The following ST7L variants were observed in gnomAD, a reference collection of about 807,000 sequenced individuals.
ST7L encodes suppression of tumorigenicity 7 like.
Under a neutral mutation model 72.5 loss-of-function variants are expected in ST7L, and 57 were observed. The observed-to-expected ratio is 0.79, with a 90% CI of 0.64 to 0.98. The LOEUF (loss-of-function observed/expected upper bound fraction) is 0.98, where lower values mean the gene tolerates loss of function less well. Ranked by LOEUF, ST7L falls within the 50% of genes least tolerant of loss-of-function variation. ST7L has a pLI of 0.00. For missense variants in ST7L, 576 were observed against 672.2 expected (o/e 0.86, Z 1.58); for synonymous variants, 221 against 240.9 (o/e 0.92, Z 0.77).
chr1:112,543,473 G>A (rs967130878), intron 13 of ST7L, among the ~76,000 whole-genome samples: 9 of 152,170 alleles, frequency 5.9e-5, no homozygotes, highest in African/African-American at 1.4e-4. Context: ...GCTTGAACCC[G>A]GGAGGCGGAG....
intron 11 of ST7L, among the ~76,000 whole-genome samples, chr1:112,576,576 G>T (rs1414631775): frequency 1.3e-5 from 2 of 152,106 alleles, no homozygotes; most frequent in African/African-American, 4.8e-5. Context: ...TAATCTGTTT[G>T]TCTTCAGTTT....
chr1:112,532,533 T>C (rs1258453338), intron 14 of ST7L, among the ~76,000 whole-genome samples: 2 of 152,208 alleles, frequency 1.3e-5, no homozygotes, highest in Admixed American at 6.5e-5. Flanking sequence ...GCTGCATCTT[T>C]CTCTGTCACA....
chr1:112,542,147 C>CT lies in ST7L; in HGVS notation c.1490-58dup, dbSNP rs1457370899. 2.1e-6 allele frequency: 3 copies of CT among 1,432,730 alleles called. No individual in the cohort carries two copies. In the African/African-American group the frequency reaches 4.4e-5, roughly 21 times the overall value. The allele number at this position is 1,432,730 out of a possible 1,614,324, so 88.8% of individuals were successfully genotyped here. On this transcript the variant is annotated intron_variant, in intron 13 of 14. Transcript: ENST00000358039. ...ATTTCAGAATAACATGTAAACAAGT[C>CT]TTAATCTTTTCAAATGAAATCTGTT...
chr1:112,540,613 T>C (rs781258390), intron 14 of ST7L: 14 of 985,312 alleles, frequency 1.4e-5, no homozygotes, highest in Non-Finnish European at 1.7e-5. Context: ...CATTATATGG[T>C]TGACCTTCAG....
chr1:112,564,592 G>A (rs1192971235), intron 11 of ST7L, among the ~76,000 whole-genome samples: 1 of 152,096 alleles, frequency 6.6e-6, no homozygotes, highest in African/African-American at 2.4e-5. Flanking sequence ...CAAGGCAGGT[G>A]GCTCACCTGA....
At chr1:112,619,191 G>A, upstream of ST7L, 3 of 1,432,650 alleles carry the variant, frequency 2.1e-6, no homozygotes, top group Non-Finnish European at 2.9e-6. Context: ...TGGGATAGTG[G>A]CGGACCTGAA....
intron 5 of ST7L, among the ~76,000 whole-genome samples, chr1:112,594,410 G>C (rs1666137816): frequency 6.6e-6 from 1 of 152,126 alleles, no homozygotes; most frequent in Non-Finnish European, 1.5e-5. Flanking sequence ...TGGAAAGAAA[G>C]TATTCTGGCC....
chr1:112,618,678 G>T (rs1376453920), intron 1 of ST7L: 10 of 852,766 alleles, frequency 1.2e-5, no homozygotes, highest in Non-Finnish European at 1.7e-5. Flanking sequence ...GAAAAACGAG[G>T]ACATAAGAGA....
At chr1:112,579,460 C>T (rs1277091505) in intron 9 of ST7L, among the ~76,000 whole-genome samples, 1 of 147,958 alleles carries the variant, frequency 6.8e-6, no homozygotes, top group East Asian at 2.0e-4. Context: ...ATAATTAGAA[C>T]TATGTAAAAC....
At chr1:112,605,189 A>G (rs1668032853) in intron 3 of ST7L, among the ~76,000 whole-genome samples, 1 of 151,972 alleles carries the variant, frequency 6.6e-6, no homozygotes, top group Non-Finnish European at 1.5e-5. Context: ...GAGAAGTTCA[A>G]GACCAGCCTG....
At chr1:112,574,319 C>A (rs1363812200) in intron 11 of ST7L, among the ~76,000 whole-genome samples, 1 of 147,982 alleles carries the variant, frequency 6.8e-6, no homozygotes, top group Non-Finnish European at 1.5e-5. Context: ...TGAGTTCAAG[C>A]AATTCTCCTG....
chr1:112,568,246 G>A (rs1443247324), intron 11 of ST7L, among the ~76,000 whole-genome samples: 1 of 151,272 alleles, frequency 6.6e-6, no homozygotes, highest in Non-Finnish European at 1.5e-5. Context: ...GAAAATACAT[G>A]TAATAGTGGC....
chr1:112,611,008 G>A lies in ST7L; in HGVS notation c.289-5C>T, dbSNP rs777445636. On this transcript the variant is annotated splice_region_variant and splice_polypyrimidine_tract_variant and intron_variant, in intron 2 of 14. Coordinates refer to ENST00000358039, the MANE Select transcript of ST7L (RefSeq NM_017744.5). ...GAAGTACCACCATTCAAATATCTATGACAAACAGAAAATATCCTGCACTTA... is the reference window on the plus strand; with the variant it reads ...GAAGTACCACCATTCAAATATCTATAACAAACAGAAAATATCCTGCACTTA... 6.8e-6 allele frequency: 11 copies of A among 1,612,672 alleles called. No homozygotes were observed. In the South Asian group the frequency reaches 9.9e-5, roughly 15 times the overall value.
At chr1:112,595,655 G>A (rs944162295) in intron 5 of ST7L, among the ~76,000 whole-genome samples, 1 of 151,992 alleles carries the variant, frequency 6.6e-6, no homozygotes, top group Admixed American at 6.6e-5. Context: ...CTAGACTCAT[G>A]GGATGCTCCT....
upstream of ST7L, chr1:112,619,262 G>A: frequency 2.8e-6 from 2 of 718,476 alleles, no homozygotes; most frequent in Non-Finnish European, 4.6e-6. Flanking sequence ...CGAAGGTGGA[G>A]GAGCGTGTCT....
intron 6 of ST7L, among the ~76,000 whole-genome samples, chr1:112,590,104 T>A (rs1665468647): frequency 6.6e-6 from 1 of 152,012 alleles, no homozygotes; most frequent in East Asian, 1.9e-4. Flanking sequence ...TCTGGGAGAG[T>A]TTTGAAATTG....
chr1:112,556,029 AACAC>A lies in ST7L; in HGVS notation c.1246-15_1246-12del. Reference sequence around the variant, plus strand: ...CATCTCTAATAAATACTGAAAGAGTAACACACAGACACATATACACACAACAGAA... The same window carrying A: ...CATCTCTAATAAATACTGAAAGAGTAACAGACACATATACACACAACAGAA... On this transcript the variant is annotated splice_polypyrimidine_tract_variant and intron_variant, in intron 11 of 14. Coordinates refer to ENST00000358039, the MANE Select transcript of ST7L (RefSeq NM_017744.5). The A allele has an allele frequency of 6.3e-7, 1 of 1,583,218 alleles. No individual in the cohort carries two copies. The highest frequency in any genetic ancestry group is 2.2e-5 in the East Asian group (1 of 44,468).
intron 3 of ST7L, among the ~76,000 whole-genome samples, chr1:112,610,162 G>A (rs972360144): frequency 2.0e-5 from 3 of 152,142 alleles, no homozygotes; most frequent in Non-Finnish European, 4.4e-5. Context: ...ACATTTCTGA[G>A]AATAGTCCTT....
chr1:112,602,083 C>CAAAAAAAAAAAA (rs71584754), intron 3 of ST7L, among the ~76,000 whole-genome samples: 1 of 89,048 alleles, frequency 1.1e-5, no homozygotes, highest in Admixed American at 1.4e-4. Flanking sequence ...AAACTCCATC[C>CAAAAAAAAAAAA]AAAAAAAAAA....
Sources: allele counts gnomAD v4.1 joint callset (sites outside exome capture counted in the v4.1 genomes callset), GRCh38; gene constraint gnomAD v4.1.1; transcripts MANE v1.5; gene names NCBI Gene and HGNC (gene_info 2026-07-23, HGNC 2026-07-21).